The following NRXN1 variants were observed in gnomAD, a reference collection of about 807,000 sequenced individuals.
The protein encoded by NRXN1 is neurexin 1, also known as neurexin-1.
A neutral mutation model predicts 150.9 loss-of-function variants in NRXN1; 39 were observed. That is an observed-to-expected ratio of 0.26 (90% confidence interval 0.20 to 0.34). The LOEUF (loss-of-function observed/expected upper bound fraction) is 0.34. NRXN1 is among the 10% of genes least tolerant of loss of function. The probability of loss-of-function intolerance (pLI) is 1.00; values close to 1 mark genes in which losing one functional copy is unlikely to be tolerated. For missense variants in NRXN1, 1,815 were observed against 1,949.9 expected, an observed-to-expected ratio of 0.93 and a Z score of 1.30; for synonymous variants, 924 against 757.0, an observed-to-expected ratio of 1.22 and a Z score of -3.62.
In NRXN1 at chr2:50,352,782, A is replaced by G. The variant is rs112953962; in HGVS notation, c.3364+112660T>C. Among the ~76,000 whole-genome samples, 3 of 144,194 alleles carry G rather than the reference A, an allele frequency of 2.1e-5. No individual in the cohort carries two copies. In the East Asian group the frequency reaches 6.2e-4, roughly 30 times the overall value. 94.6% of individuals were successfully genotyped at this position (144,194 alleles called of 152,430 possible). A position where few individuals can be genotyped will look rare whatever the true frequency, so the allele number is the denominator to read the frequency against. On this transcript the variant is annotated intron_variant, in intron 17 of 22. Transcript: ENST00000401669. The stretch of plus-strand genomic sequence containing the variant: ...ATAATAATAATAATAATAATATTAT[A>G]ATAATAATAATAATAATAATAATAA...
At chr2:50,127,073 A>G (rs1479176847) in intron 18 of NRXN1, among the ~76,000 whole-genome samples, 9 of 152,116 alleles carry the variant, frequency 5.9e-5, no homozygotes, top group Non-Finnish European at 1.2e-4. Context: ...AGTTGAAATG[A>G]TTAGCAGTAA....
At chr2:50,885,764 G>A (rs2103756035) in intron 5 of NRXN1, among the ~76,000 whole-genome samples, 1 of 150,386 alleles carries the variant, frequency 6.6e-6, no homozygotes, top group East Asian at 2.0e-4. Context: ...AGAACTCTTG[G>A]ATAAGTTGAT....
At chr2:50,366,413 G>A (rs569193002) in intron 17 of NRXN1, among the ~76,000 whole-genome samples, 43 of 151,644 alleles carry the variant, frequency 2.8e-4, no homozygotes, top group Non-Finnish European at 4.9e-4. Context: ...TCACTAGATG[G>A]GGCTATCAAC....
chr2:49,977,889 G>A (rs1394145868), intron 21 of NRXN1, among the ~76,000 whole-genome samples: 2 of 152,092 alleles, frequency 1.3e-5, no homozygotes, highest in Non-Finnish European at 1.5e-5. Context: ...AAAATGTAGC[G>A]GGGCGGTGGC....
At chr2:50,180,286 A>G (rs569221950) in intron 18 of NRXN1, among the ~76,000 whole-genome samples, 6 of 152,214 alleles carry the variant, frequency 3.9e-5, no homozygotes, top group African/African-American at 1.4e-4. Flanking sequence ...CAGCCTCCCA[A>G]AGTTCTGGGA....
At chr2:50,909,985 G>A (rs891247659) in intron 5 of NRXN1, among the ~76,000 whole-genome samples, 8 of 151,100 alleles carry the variant, frequency 5.3e-5, no homozygotes, top group African/African-American at 1.9e-4. Flanking sequence ...ATTATTTCCT[G>A]GTCAGCATTC....
At chr2:50,212,461 G>C (rs1222755276) in intron 18 of NRXN1, among the ~76,000 whole-genome samples, 1 of 151,456 alleles carries the variant, frequency 6.6e-6, no homozygotes, top group African/African-American at 2.4e-5. Flanking sequence ...ATCGATTTGA[G>C]TCTGGTTTTT....
chr2:50,960,514 C>A (rs1313452602), intron 2 of NRXN1, among the ~76,000 whole-genome samples: 1 of 151,900 alleles, frequency 6.6e-6, no homozygotes, highest in Non-Finnish European at 1.5e-5. Context: ...CTGTGGTAAA[C>A]CCCAAGCTGG....
intron 8 of NRXN1, among the ~76,000 whole-genome samples, chr2:50,591,950 C>G (rs1486240362): frequency 7.0e-6 from 1 of 142,090 alleles, no homozygotes; most frequent in African/African-American, 2.6e-5. Context: ...GTGTTGGATC[C>G]AAATTTCGAC....
intron 17 of NRXN1, among the ~76,000 whole-genome samples, chr2:50,244,928 A>G (rs2066361996): frequency 6.6e-6 from 1 of 151,902 alleles, no homozygotes; most frequent in African/African-American, 2.4e-5. Context: ...TATCAGAAAA[A>G]AATGATAAGA....
chr2:51,005,651 A>G (rs1700616220), intron 2 of NRXN1, among the ~76,000 whole-genome samples: 1 of 151,982 alleles, frequency 6.6e-6, no homozygotes, highest in African/African-American at 2.4e-5. Context: ...GAGAAAGAAA[A>G]AGGAATAAAA....
At chr2:50,916,931 C>T (rs1449254356) in intron 5 of NRXN1, 2 of 151,638 alleles carry the variant, frequency 1.3e-5, no homozygotes, top group Admixed American at 1.3e-4. Context: ...CTTGGTTCTA[C>T]TCAGAACTAA....
chr2:50,431,581 T>TA (rs2084967979), intron 17 of NRXN1, among the ~76,000 whole-genome samples: 3 of 152,202 alleles, frequency 2.0e-5, no homozygotes. Context: ...TATTTCACAT[T>TA]AAAAAACCAA....
At chr2:50,631,383 G>A in intron 5 of NRXN1, 2 of 230,998 alleles carry the variant, frequency 8.7e-6, no homozygotes, top group South Asian at 5.0e-5. Flanking sequence ...AAATATGAAA[G>A]GTAAGTTAGA....
intron 22 of NRXN1, among the ~76,000 whole-genome samples, chr2:49,932,661 A>G (rs915203064): frequency 6.6e-6 from 1 of 152,190 alleles, no homozygotes; most frequent in Non-Finnish European, 1.5e-5. Flanking sequence ...CATATATTTT[A>G]ACATTACTCA....
chr2:50,860,467 T>C (rs928422687), intron 5 of NRXN1, among the ~76,000 whole-genome samples: 15 of 152,002 alleles, frequency 9.9e-5, no homozygotes, highest in Non-Finnish European at 2.1e-4. Context: ...GTGGAAGGGT[T>C]GGGGTGAAAA....
chr2:50,540,541 T>C (rs2093365031), intron 9 of NRXN1, among the ~76,000 whole-genome samples: 3 of 152,138 alleles, frequency 2.0e-5, no homozygotes, highest in Admixed American at 1.3e-4. Context: ...CAGTAGCTAA[T>C]GAAAGTTAGA....
intron 5 of NRXN1, among the ~76,000 whole-genome samples, chr2:50,770,431 CGTT>C (rs1014735569): frequency 2.6e-5 from 4 of 151,732 alleles, no homozygotes; most frequent in South Asian, 2.1e-4. Flanking sequence ...TAAAAGTTTT[CGTT>C]GTTGTTGTTA....
chr2:50,895,325 A>G (rs919226917), intron 5 of NRXN1, among the ~76,000 whole-genome samples: 1 of 152,172 alleles, frequency 6.6e-6, no homozygotes, highest in African/African-American at 2.4e-5. Flanking sequence ...TCTTTGCTCT[A>G]ACTGACAAGT....
Sources: gnomAD v4.1 joint callset for allele counts (sites outside exome capture counted in the v4.1 genomes callset) on GRCh38, gnomAD v4.1.1 for gene constraint, MANE v1.5 for transcripts, NCBI Gene and HGNC (gene_info 2026-07-23, HGNC 2026-07-21) for gene names.